Variants in PTPRU observed in about 807,000 individuals in gnomAD.
The protein encoded by PTPRU is receptor-type tyrosine-protein phosphatase U.
Under a neutral mutation model 166.3 loss-of-function variants are expected in PTPRU, and 69 were observed. The observed-to-expected ratio is 0.41, with a 90% CI of 0.34 to 0.51. The LOEUF is 0.51. PTPRU is among the 20% of genes least tolerant of loss of function. The probability of loss-of-function intolerance (pLI) is 0.09; values close to 1 mark genes in which losing one functional copy is unlikely to be tolerated. For missense variants in PTPRU, 1,657 were observed against 2,013.7 expected, an observed-to-expected ratio of 0.82 and a Z score of 3.39; for synonymous variants, 793 against 814.0, an observed-to-expected ratio of 0.97 and a Z score of 0.44.
chr1:29,318,067 C>T (rs1038877350), intron 25 of PTPRU, 146 bp downstream of exon 25: 92 of 1,106,824 alleles, frequency 8.3e-5, no homozygotes, highest in Non-Finnish European at 1.8e-5. Flanking sequence ...GACCCTCCTA[C>T]TCCTAGGGAG....
At chr1:29,277,344 G>T (rs1288036556) in intron 8 of PTPRU, among the ~76,000 whole-genome samples, 1 of 152,044 alleles carries the variant, frequency 6.6e-6, no homozygotes, top group East Asian at 1.9e-4. Context: ...CAGGTGATCT[G>T]CCCACCTTGG....
rs1683803458 is a variant in PTPRU at position 29,237,096 on chromosome 1, T to G, written c.73+379T>G. ...GTTGTATCTGCTAATGTGTTGCATTTGTTTGCATTTTGTATGCCTGGCCGG... is the reference window on the plus strand; with the variant it reads ...GTTGTATCTGCTAATGTGTTGCATTGGTTTGCATTTTGTATGCCTGGCCGG... On this transcript the variant is annotated intron_variant, in intron 1 of 29. Transcript: ENST00000373779. This position sits in a 1 kb window ranked among gnomAD's most constrained non-coding sequence, Gnocchi z 6.4. 6.6e-6 allele frequency among the ~76,000 whole-genome samples: 1 copy of G among 152,134 alleles called. No individual in the cohort carries two copies. The highest frequency in any genetic ancestry group is 1.9e-4 in the East Asian group (1 of 5,174).
chr1:29,262,147 A>G (rs1685092755), intron 7 of PTPRU, among the ~76,000 whole-genome samples: 4 of 151,902 alleles, frequency 2.6e-5, no homozygotes, highest in Admixed American at 2.6e-4. Context: ...CCCCTTAAGG[A>G]CTCTTTTATA....
Position 29,315,272 on chromosome 1 carries a change from G to GT in PTPRU, c.3228-99dup. 6.8e-7 allele frequency: 1 copy of GT among 1,464,740 alleles called. No homozygotes were observed. Among genetic ancestry groups the GT allele is most frequent in the South Asian group, 1.2e-5 (1 of 83,176 alleles). The allele number at this position is 1,464,740 out of a possible 1,614,324, so 90.7% of individuals were successfully genotyped here. A position where few individuals can be genotyped will look rare whatever the true frequency, so the allele number is the denominator to read the frequency against. On this transcript the variant is annotated intron_variant, in intron 22 of 29. Transcript: ENST00000373779. The surrounding 1 kb of genome is among the most constrained non-coding windows in gnomAD (Gnocchi z 4.5). ...AGTCATCTCTGTGTCCGTGTCCCCT[G>GT]TATGGTGTAGACATGGCCAGTGCCC...
At chr1:29,283,116 T>C (rs1427879002) in intron 12 of PTPRU, among the ~76,000 whole-genome samples, 167 bp downstream of exon 12, 2 of 106,008 alleles carry the variant, frequency 1.9e-5, no homozygotes, top group Admixed American at 2.0e-4. Flanking sequence ...CCCACCCCCA[T>C]AGCCCTACCT....
chr1:29,302,382 G>A (rs540997448), intron 15 of PTPRU, among the ~76,000 whole-genome samples: 57 of 152,112 alleles, frequency 3.7e-4, no homozygotes, highest in Non-Finnish European at 6.8e-4. Flanking sequence ...TTAAATAAGT[G>A]TATTGTAGCC....
chr1:29,306,683 G>C lies in PTPRU; in HGVS notation c.2820+1255G>C, dbSNP rs548257642. Reference sequence around the variant, plus strand: ...GAGGAGCTGCCTAAGCAAAGGCCTGGGGGGCCAGGCAGAGCAAGGCACAGG... The same window carrying C: ...GAGGAGCTGCCTAAGCAAAGGCCTGCGGGGCCAGGCAGAGCAAGGCACAGG... On this transcript the variant is annotated intron_variant, in intron 18 of 29. Transcript: ENST00000373779. Among the ~76,000 whole-genome samples, 3 of 152,302 alleles carry C rather than the reference G, an allele frequency of 2.0e-5. No individual in the cohort carries two copies. The South Asian group carries it at 6.2e-4, about 32-fold the overall frequency.
Position 29,323,379 on chromosome 1 carries a change from G to T in PTPRU, c.3837G>T (p.Leu1279=). The T allele has an allele frequency of 6.2e-7, 1 of 1,607,006 alleles. No homozygotes were observed. Among genetic ancestry groups the T allele is most frequent in the African/African-American group, 1.3e-5 (1 of 74,874 alleles). The change falls in exon 27 of 30, where the codon CTG becomes CTT. Residue 1279 remains leucine, a synonymous_variant. Transcript: ENST00000373779. ...TCCGTGCTTATGCCCAGCCCTGCCT[G>T]CAGTACTGGCCAGAGCCAGGCCGGC... The part of the protein sequence containing the change: ...LNQSNSAWPC[L]QYWPEPGRQQ...
At chr1:29,247,491 A>G (rs151112673) in intron 1 of PTPRU, among the ~76,000 whole-genome samples, 3 of 152,316 alleles carry the variant, frequency 2.0e-5, no homozygotes, top group Non-Finnish European at 2.9e-5. Context: ...GCCTCTCTCC[A>G]TGGACCTTTA....
In PTPRU at chr1:29,311,279, C is replaced by A. The variant is rs1053211551; in HGVS notation, c.2858-177C>A. On this transcript the variant is annotated intron_variant, in intron 19 of 29. Coordinates refer to ENST00000373779, the MANE Select transcript of PTPRU (RefSeq NM_133178.4). The surrounding 1 kb of genome is among the most constrained non-coding windows in gnomAD (Gnocchi z 4.1). ...CAGGCCCTCTCCTGATGCTACCCAA[C>A]CTCAGGGCCCTACAGGCATGCGTCA... is the stretch of plus-strand genomic sequence containing the variant. The A allele has an allele frequency of 1.1e-5, 7 of 630,606 alleles. No individual in the cohort carries two copies. The highest frequency in any genetic ancestry group is 7.8e-5 in the South Asian group (4 of 51,504). The allele number at this position is 630,606 out of a possible 1,614,324, so 39.1% of individuals were successfully genotyped here.
At chr1:29,300,643 C>G (rs1687095094) in intron 15 of PTPRU, among the ~76,000 whole-genome samples, 1 of 152,222 alleles carries the variant, frequency 6.6e-6, no homozygotes. Flanking sequence ...CTTGATTTGC[C>G]ATCCAGCTGT....
intron 15 of PTPRU, among the ~76,000 whole-genome samples, chr1:29,295,170 G>T (rs1686824480): frequency 6.6e-6 from 1 of 151,974 alleles, no homozygotes; most frequent in African/African-American, 2.4e-5. Flanking sequence ...CGAGGAGCTG[G>T]GACTACAGGG....
chr1:29,268,672 G>A (rs1685409777), intron 7 of PTPRU, among the ~76,000 whole-genome samples: 2 of 152,328 alleles, frequency 1.3e-5, no homozygotes, highest in African/African-American at 2.4e-5. Flanking sequence ...GAAGTATAGC[G>A]CTTAACACAC....
rs569846321 is a variant in PTPRU at position 29,281,174 on chromosome 1, G to C, written c.1868+1033G>C. Among the ~76,000 whole-genome samples the C allele has an allele frequency of 2.6e-5, 4 of 152,168 alleles. No homozygotes were observed. The South Asian group carries it at 8.3e-4, about 32-fold the overall frequency. ...TAGGAAGAGAGTGGGCTGCCTGGGTGACCATGGCAGTCCCTCACCTCCTCA... is the reference window on the plus strand; with the variant it reads ...TAGGAAGAGAGTGGGCTGCCTGGGTCACCATGGCAGTCCCTCACCTCCTCA... On this transcript the variant is annotated intron_variant, in intron 11 of 29. Transcript: ENST00000373779.
chr1:29,323,742 A>G lies in PTPRU; in HGVS notation c.4066A>G (p.Lys1356Glu), dbSNP rs748901025. 6.2e-7 allele frequency: 1 copy of G among 1,614,152 alleles called. No homozygotes were observed. Among genetic ancestry groups the G allele is most frequent in the South Asian group, 1.1e-5 (1 of 91,080 alleles). Reference sequence around the variant, plus strand: ...CTTGCACCTGCTGGCTGAGGTGGACAAGTGGCAGGCCGAGAGTGGGGATGG... The same window carrying G: ...CTTGCACCTGCTGGCTGAGGTGGACGAGTGGCAGGCCGAGAGTGGGGATGG... The part of the protein sequence containing the change: ...AFLHLLAEVD[K>E]WQAESGDGRT... Residue 1356 changes from lysine to glutamate, a missense_variant, in exon 28 of 30, where the codon AAG becomes GAG. By Grantham distance (56) the Lys-to-Glu change is moderately conservative. Coordinates refer to ENST00000373779, the MANE Select transcript of PTPRU (RefSeq NM_133178.4).
Position 29,289,670 on chromosome 1 carries a change from T to C in PTPRU, c.2319-2199T>C, listed in dbSNP as rs1686530352. The C allele has an allele frequency of 6.2e-6, 10 of 1,614,046 alleles. No individual in the cohort carries two copies. The East Asian group carries it at 2.0e-4, about 32-fold the overall frequency. On this transcript the variant is annotated intron_variant, in intron 14 of 29. Transcript: ENST00000373779. ...GGACACAACTGTGCTGTTCTCTCTT[T>C]GCACGCTGCCAGGAGAGACCACTAT...
chr1:29,237,008 G>A lies in PTPRU; in HGVS notation c.73+291G>A, dbSNP rs1258395133. Among the ~76,000 whole-genome samples the A allele has an allele frequency of 6.6e-6, 1 of 152,202 alleles. No individual in the cohort carries two copies. Among genetic ancestry groups the A allele is most frequent in the Non-Finnish European group, 1.5e-5 (1 of 68,022 alleles). ...CGCTGAGTGTCTTGTGGGTCTGCCA[G>A]TGTGTAGTGTTTGTGTGGCCAAGTG... On this transcript the variant is annotated intron_variant, in intron 1 of 29. Transcript: ENST00000373779. The surrounding 1 kb of genome is among the most constrained non-coding windows in gnomAD (Gnocchi z 6.4).
chr1:29,321,582 G>T (rs191512134), intron 26 of PTPRU, among the ~76,000 whole-genome samples: 2 of 152,274 alleles, frequency 1.3e-5, no homozygotes, highest in African/African-American at 2.4e-5. Flanking sequence ...CATCATGGGG[G>T]CCTCCGAGGT....
intron 15 of PTPRU, among the ~76,000 whole-genome samples, chr1:29,303,498 G>A (rs902532509): frequency 6.6e-6 from 1 of 152,236 alleles, no homozygotes; most frequent in African/African-American, 2.4e-5. Context: ...CTGGAAGAGG[G>A]GGAGGAAGAA....
Sources: allele counts gnomAD v4.1 joint callset (sites outside exome capture counted in the v4.1 genomes callset), GRCh38; gene constraint gnomAD v4.1.1; non-coding constraint Gnocchi (gnomAD v3.1); transcripts MANE v1.5; gene names NCBI Gene and HGNC (gene_info 2026-07-23, HGNC 2026-07-21).